The following ATRNL1 variants were observed in gnomAD, a reference collection of about 807,000 sequenced individuals.
The protein encoded by ATRNL1 is attractin like 1, also known as attractin-like protein 1.
ATRNL1 carries 95 observed loss-of-function variants against 182.7 expected under a neutral mutation model. The observed-to-expected ratio is 0.52, with a 90% CI of 0.44 to 0.62. The LOEUF (loss-of-function observed/expected upper bound fraction) is 0.62. Ranked by LOEUF, ATRNL1 falls within the 20% of genes least tolerant of loss-of-function variation. The pLI is 0.00. For missense variants in ATRNL1, 1,471 were observed against 1,679.5 expected (o/e 0.88, Z 2.17); for synonymous variants, 576 against 568.3 (o/e 1.01, Z -0.19).
chr10:115,933,483 CT>C (rs1565498382), intron 28 of ATRNL1, among the ~76,000 whole-genome samples: 1 of 152,238 alleles, frequency 6.6e-6, no homozygotes, highest in Non-Finnish European at 1.5e-5. Context: ...GCAGCCCACT[CT>C]GCTGCCGCCC....
At chr10:115,215,010 G>A (rs1283857730) in intron 8 of ATRNL1, among the ~76,000 whole-genome samples, 1 of 152,122 alleles carries the variant, frequency 6.6e-6, no homozygotes, top group African/African-American at 2.4e-5. Flanking sequence ...TTTTGCTACT[G>A]AGCAGGGAAT....
intron 21 of ATRNL1, among the ~76,000 whole-genome samples, chr10:115,445,338 C>A (rs1554966458): frequency 7.5e-6 from 1 of 133,058 alleles, no homozygotes; most frequent in African/African-American, 2.8e-5. Context: ...AGCTGAGGCA[C>A]AAGAATTGCT....
chr10:115,818,442 C>A (rs762388438), intron 27 of ATRNL1, among the ~76,000 whole-genome samples: 1 of 152,046 alleles, frequency 6.6e-6, no homozygotes, highest in Non-Finnish European at 1.5e-5. Context: ...TGGCTTAATG[C>A]CCTATTCAAA....
chr10:115,243,739 C>G (rs931831129), intron 10 of ATRNL1, among the ~76,000 whole-genome samples: 2 of 151,964 alleles, frequency 1.3e-5, no homozygotes, highest in Non-Finnish European at 2.9e-5. Flanking sequence ...GCAAGTTGTT[C>G]AGACTGGAGG....
chr10:115,099,284 T>C (rs1554863999), intron 1 of ATRNL1, among the ~76,000 whole-genome samples: 1 of 152,262 alleles, frequency 6.6e-6, no homozygotes, highest in African/African-American at 2.4e-5. Context: ...TGCCGAATAG[T>C]GTTCCAGTGT....
At chr10:115,519,370 C>T in intron 25 of ATRNL1, 46 bp downstream of exon 25, 1 of 1,441,066 alleles carries the variant, frequency 6.9e-7, no homozygotes, top group Non-Finnish European at 9.7e-7. Flanking sequence ...AGCCTGTATT[C>T]TGATATATGT....
At chr10:115,694,617 C>A (rs1034416033) in intron 26 of ATRNL1, among the ~76,000 whole-genome samples, 3 of 151,846 alleles carry the variant, frequency 2.0e-5, no homozygotes, top group African/African-American at 7.3e-5. Context: ...CTTTTAGATT[C>A]TTGATAGTAA....
chr10:115,365,421 A>G (rs1350118278), intron 19 of ATRNL1, among the ~76,000 whole-genome samples: 7 of 149,872 alleles, frequency 4.7e-5, no homozygotes, highest in African/African-American at 9.9e-5. Context: ...TTTTTTCTTT[A>G]TTAGTCTTGC....
chr10:115,241,343 T>C (rs573307597), intron 9 of ATRNL1, among the ~76,000 whole-genome samples: 30 of 151,798 alleles, frequency 2.0e-4, no homozygotes, highest in African/African-American at 2.9e-4. Flanking sequence ...AAAAATTCTT[T>C]TTGATATTGT....
intron 28 of ATRNL1, among the ~76,000 whole-genome samples, chr10:115,895,693 T>C (rs1254075988): frequency 6.6e-6 from 1 of 152,208 alleles, no homozygotes; most frequent in Non-Finnish European, 1.5e-5. Flanking sequence ...AAGATGCTAA[T>C]GTCTTGTGAA....
chr10:115,347,957 T>G (rs1281655702), intron 19 of ATRNL1, among the ~76,000 whole-genome samples: 1 of 152,116 alleles, frequency 6.6e-6, no homozygotes, highest in Non-Finnish European at 1.5e-5. Context: ...TCACCTTGGA[T>G]AAATTATTTA....
At chr10:115,594,664 C>T (rs959058277) in intron 26 of ATRNL1, among the ~76,000 whole-genome samples, 1 of 152,092 alleles carries the variant, frequency 6.6e-6, no homozygotes, top group South Asian at 2.1e-4. Context: ...ACACAACTAC[C>T]TGCTTAATTT....
chr10:115,314,765 A>C (rs1854208543), intron 17 of ATRNL1, among the ~76,000 whole-genome samples: 1 of 152,190 alleles, frequency 6.6e-6, no homozygotes, highest in Admixed American at 6.5e-5. Flanking sequence ...CACCATATTC[A>C]TAGGCTTTGT....
intron 28 of ATRNL1, among the ~76,000 whole-genome samples, chr10:115,941,636 A>G (rs2072890290): frequency 6.6e-6 from 1 of 152,182 alleles, no homozygotes. Context: ...ATTAAAGGAG[A>G]CATGTATTAT....
At chr10:115,428,306 C>G (rs1472607803) in intron 21 of ATRNL1, among the ~76,000 whole-genome samples, 1 of 152,020 alleles carries the variant, frequency 6.6e-6, no homozygotes, top group African/African-American at 2.4e-5. Flanking sequence ...TTTGTTGACT[C>G]TCAGAATTTC....
At chr10:115,280,628 G>T (rs1181171144) in intron 13 of ATRNL1, among the ~76,000 whole-genome samples, 1 of 152,174 alleles carries the variant, frequency 6.6e-6, no homozygotes, top group African/African-American at 2.4e-5. Flanking sequence ...AAGTTTTGCT[G>T]CAGAGAAGAA....
chr10:115,934,023 A>G (rs1555122292), intron 28 of ATRNL1, among the ~76,000 whole-genome samples: 1 of 152,086 alleles, frequency 6.6e-6, no homozygotes, highest in Non-Finnish European at 1.5e-5. Flanking sequence ...ATGGCATGGG[A>G]ACAAAGTGTT....
At chr10:115,649,566 G>A (rs938402215) in intron 26 of ATRNL1, among the ~76,000 whole-genome samples, 2 of 152,146 alleles carry the variant, frequency 1.3e-5, no homozygotes, top group Non-Finnish European at 2.9e-5. Flanking sequence ...AAAGCACTTT[G>A]ACACCTCATC....
chr10:115,456,462 C>T (rs572841120), intron 21 of ATRNL1, among the ~76,000 whole-genome samples: 2 of 152,132 alleles, frequency 1.3e-5, no homozygotes, highest in South Asian at 2.1e-4. Context: ...GGGAGGGGAA[C>T]ATCACACACC....
Sources: allele counts gnomAD v4.1 joint callset (sites outside exome capture counted in the v4.1 genomes callset), GRCh38; gene constraint gnomAD v4.1.1; transcripts MANE v1.5; gene names NCBI Gene and HGNC (gene_info 2026-07-23, HGNC 2026-07-21).